CEBPZOS: variants seen among roughly 807,000 people sequenced by gnomAD.
The protein encoded by CEBPZOS is CEBPZ opposite strand, also known as protein CEBPZOS.
CEBPZOS carries 10 observed loss-of-function variants against 4.8 expected under a neutral mutation model. That is an observed-to-expected ratio of 2.07 (90% confidence interval 1.28 to 3.52). The LOEUF (loss-of-function observed/expected upper bound fraction) is 3.52, where lower values mean the gene tolerates loss of function less well. CEBPZOS is among the 30% of genes most tolerant of loss of function. CEBPZOS has a pLI of 0.00. For synonymous variants in CEBPZOS, 25 were observed against 14.2 expected (o/e 1.77, Z -1.72); for missense variants, 98 against 43.6 (o/e 2.25, Z -3.51).
chr2:37,211,086 T>C (rs765457339), intron 4 of CEBPZOS: 1 of 1,600,188 alleles, frequency 6.2e-7, no homozygotes, highest in South Asian at 1.1e-5. Context: ...TCAAGTTCTG[T>C]TACACGAAAA....
downstream of CEBPZOS, chr2:37,213,957 A>C (rs1437024301): frequency 1.3e-6 from 2 of 1,491,166 alleles, no homozygotes; most frequent in Non-Finnish European, 1.8e-6. Flanking sequence ...ACTTTTTTAT[A>C]ATACCTATAA....
At chr2:37,211,209 G>C in intron 4 of CEBPZOS, 2 of 550,000 alleles carry the variant, frequency 3.6e-6, no homozygotes, top group Non-Finnish European at 3.1e-6. Flanking sequence ...TGTGGGTTTT[G>C]TAATTCCACT....
downstream of CEBPZOS, among the ~76,000 whole-genome samples, chr2:37,205,455 GAAC>G (rs951568705): frequency 1.6e-4 from 25 of 152,102 alleles, no homozygotes; most frequent in Admixed American, 1.3e-4. Flanking sequence ...GCCAGGCAGA[GAAC>G]AACCCCCTTT....
At chr2:37,205,619 C>G (rs1677512634), downstream of CEBPZOS, among the ~76,000 whole-genome samples, 1 of 152,190 alleles carries the variant, frequency 6.6e-6, no homozygotes, top group Non-Finnish European at 1.5e-5. Context: ...GTGGTCTCTT[C>G]ATACAGACGC....
downstream of CEBPZOS, among the ~76,000 whole-genome samples, chr2:37,207,442 G>C (rs1211976614): frequency 1.3e-5 from 2 of 152,084 alleles, no homozygotes; most frequent in Non-Finnish European, 2.9e-5. Flanking sequence ...AACTGAAATT[G>C]TATCAAGTAC....
downstream of CEBPZOS, chr2:37,213,795 A>G: frequency 9.8e-7 from 1 of 1,017,334 alleles, no homozygotes. Flanking sequence ...CACTTCTCCC[A>G]CTAATGTTCC....
downstream of CEBPZOS, chr2:37,215,998 T>A: frequency 3.9e-5 from 19 of 492,212 alleles, no homozygotes; most frequent in Non-Finnish European, 5.2e-5. Context: ...GATTTAAGAA[T>A]ACCTATTCTT....
At chr2:37,205,705 C>T (rs1677515352), downstream of CEBPZOS, among the ~76,000 whole-genome samples, 1 of 152,178 alleles carries the variant, frequency 6.6e-6, no homozygotes, top group South Asian at 2.1e-4. Context: ...TAGCAGTAAG[C>T]AGAAGCCAGA....
At chr2:37,210,084 T>G (rs1677671221) in intron 4 of CEBPZOS, 1 of 152,152 alleles carries the variant, frequency 6.6e-6, no homozygotes, top group African/African-American at 2.4e-5. Flanking sequence ...AATACCACCT[T>G]ACTCCTGCAA....
Position 37,203,889 on chromosome 2 carries a change from C to A in CEBPZOS, c.*2029C>A, listed in dbSNP as rs1295708618. 1 of 152,100 alleles carries A rather than the reference C, an allele frequency of 6.6e-6. No individual in the cohort carries two copies. The highest frequency in any genetic ancestry group is 1.5e-5 in the Non-Finnish European group (1 of 68,028). 9.4% of individuals were successfully genotyped at this position (152,100 alleles called of 1,614,324 possible). A position where few individuals can be genotyped will look rare whatever the true frequency, so the allele number is the denominator to read the frequency against. Reference sequence around the variant, plus strand: ...GTAGTACTCCATGCCATGTTGTGGGCTACATAATATTCCATTGTATGGATA... The same window carrying A: ...GTAGTACTCCATGCCATGTTGTGGGATACATAATATTCCATTGTATGGATA... On this transcript the variant is annotated 3_prime_UTR_variant, in exon 5 of 5. Coordinates refer to ENST00000402297, the MANE Select transcript of CEBPZOS (RefSeq NM_001322374.2).
At position 37,202,937 on chromosome 2, in the gene CEBPZOS, A is replaced by C; in HGVS notation, c.*1077A>C. On this transcript the variant is annotated 3_prime_UTR_variant, in exon 5 of 5. Coordinates refer to ENST00000402297, the MANE Select transcript of CEBPZOS (RefSeq NM_001322374.2). ...AGAATAGCTAGCTTGTTAAAACAGT[A>C]CATTAGCCTTACCTCTTCAGCAGAT... 1 of 1,594,510 alleles carries C rather than the reference A, an allele frequency of 6.3e-7. No homozygotes were observed. The highest frequency in any genetic ancestry group is 2.3e-5 in the East Asian group (1 of 44,290).
chr2:37,201,792 G>A (rs1677254690), intron 4 of CEBPZOS, 66 bp downstream of exon 4: 1 of 1,519,574 alleles, frequency 6.6e-7, no homozygotes, highest in Non-Finnish European at 9.1e-7. Context: ...AGTTTTTTGA[G>A]TGGTTTTAAT....
In CEBPZOS at chr2:37,203,260, T is replaced by C. The variant is rs1677368751; in HGVS notation, c.*1400T>C. ...CTTCTTGCTTTTCAGATTTGGCCAC[T>C]GATCGAAGTTTTACCCATAAGGGAA... On this transcript the variant is annotated 3_prime_UTR_variant, in exon 5 of 5. Transcript: ENST00000402297. 1 of 274,422 alleles carries C rather than the reference T, an allele frequency of 3.6e-6. No homozygotes were observed. The highest frequency in any genetic ancestry group is 6.4e-5 in the East Asian group (1 of 15,680). 17.0% of individuals were successfully genotyped at this position (274,422 alleles called of 1,614,324 possible). A position where few individuals can be genotyped will look rare whatever the true frequency, so the allele number is the denominator to read the frequency against.
At chr2:37,201,374 A>G in intron 3 of CEBPZOS, 1 of 496,066 alleles carries the variant, frequency 2.0e-6, no homozygotes, top group Non-Finnish European at 3.6e-6. Flanking sequence ...GATCAGTTTC[A>G]TCTCAGGTTT....
At chr2:37,212,447 T>C (rs770641515) in intron 4 of CEBPZOS, 4 of 1,370,648 alleles carry the variant, frequency 2.9e-6, no homozygotes, top group Non-Finnish European at 4.1e-6. Flanking sequence ...GCTTGACATA[T>C]ATCTTGTATC....
downstream of CEBPZOS, chr2:37,215,666 C>T (rs17020316): frequency 0.023 from 3,496 of 153,770 alleles, 64 homozygotes; most frequent in Middle Eastern, 0.056. Flanking sequence ...CAACAACAGA[C>T]TCAGATCCAG....
At chr2:37,205,448 AG>A (rs1677504054), downstream of CEBPZOS, among the ~76,000 whole-genome samples, 1 of 152,122 alleles carries the variant, frequency 6.6e-6, no homozygotes, top group Non-Finnish European at 1.5e-5. Context: ...CACTCCTGCC[AG>A]GCAGAGAACA....
At chr2:37,210,927 C>G in intron 4 of CEBPZOS, 3 of 961,430 alleles carry the variant, frequency 3.1e-6, no homozygotes, top group Non-Finnish European at 1.5e-6. Flanking sequence ...TAGGAGAGTT[C>G]ATTTCCCAAA....
intron 1 of CEBPZOS, among the ~76,000 whole-genome samples, chr2:37,196,903 T>G (rs1676969435): frequency 6.6e-6 from 1 of 152,102 alleles, no homozygotes; most frequent in South Asian, 2.1e-4. Context: ...TGAAAAGTCG[T>G]CCTCTGCACA....
Sources: gnomAD v4.1 joint callset for allele counts (sites outside exome capture counted in the v4.1 genomes callset) on GRCh38, gnomAD v4.1.1 for gene constraint, MANE v1.5 for transcripts, NCBI Gene and HGNC (gene_info 2026-07-23, HGNC 2026-07-21) for gene names.